ZNF254: variants seen among roughly 807,000 people sequenced by gnomAD.
ZNF254 encodes the protein zinc finger protein 254.
A neutral mutation model predicts 12.4 loss-of-function variants in ZNF254; 10 were observed. The ratio of observed to expected loss-of-function variants is 0.80; its 90% CI spans 0.50 to 1.36. The LOEUF (loss-of-function observed/expected upper bound fraction) is 1.36. Ranked by LOEUF, ZNF254 falls within the 40% of genes most tolerant of loss-of-function variation. The pLI, the probability that ZNF254 is intolerant of heterozygous loss-of-function variation, is 0.00. For missense variants in ZNF254, 996 were observed against 763.9 expected (o/e 1.30, Z -3.58); for synonymous variants, 305 against 253.4 (o/e 1.20, Z -1.93).
intron 1 of ZNF254, among the ~76,000 whole-genome samples, chr19:24,097,359 T>C (rs1158297715): frequency 6.6e-6 from 1 of 152,080 alleles, no homozygotes; most frequent in African/African-American, 2.4e-5. Context: ...GAAACCTGAT[T>C]ATCCATGGTG....
chr19:24,110,604 A>G (rs1432813537), intron 3 of ZNF254, among the ~76,000 whole-genome samples: 2 of 152,134 alleles, frequency 1.3e-5, no homozygotes, highest in Non-Finnish European at 2.9e-5. Context: ...TGTTAACTAT[A>G]TTCACATCGT....
intron 3 of ZNF254, among the ~76,000 whole-genome samples, chr19:24,110,394 C>G (rs549285469): frequency 6.6e-6 from 1 of 151,920 alleles, no homozygotes; most frequent in Non-Finnish European, 1.5e-5. Context: ...GACACCCTCT[C>G]TACAAACATT....
At chr19:24,080,347 G>T (rs1286497143) in intron 2 of ZNF254, 1 of 152,202 alleles carries the variant, frequency 6.6e-6, no homozygotes, top group Non-Finnish European at 1.5e-5. Context: ...CACACTGTAA[G>T]AAAACTGACC....
chr19:24,113,663 T>C (rs1973848849), intron 3 of ZNF254, among the ~76,000 whole-genome samples: 1 of 152,102 alleles, frequency 6.6e-6, no homozygotes, highest in Non-Finnish European at 1.5e-5. Context: ...CTATTCAACA[T>C]AGTGTTGGAT....
At chr19:24,054,340 A>G (rs1970760073) in intron 2 of ZNF254, among the ~76,000 whole-genome samples, 1 of 152,168 alleles carries the variant, frequency 6.6e-6, no homozygotes. Context: ...AAATGGTGAC[A>G]TATACTATAG....
chr19:24,044,647 TG>T (rs1280062027), intron 1 of ZNF254, among the ~76,000 whole-genome samples: 1 of 147,398 alleles, frequency 6.8e-6, no homozygotes, highest in Non-Finnish European at 1.5e-5. Context: ...GCTAGTTTTG[TG>T]GATCTTATAT....
intron 2 of ZNF254, among the ~76,000 whole-genome samples, chr19:24,068,251 T>C (rs1971351070): frequency 6.6e-6 from 1 of 151,086 alleles, no homozygotes; most frequent in Non-Finnish European, 1.5e-5. Flanking sequence ...CGTTGTAACA[T>C]ATCACTGGGC....
chr19:24,093,623 C>A (rs2145697541), intron 1 of ZNF254, among the ~76,000 whole-genome samples: 1 of 152,216 alleles, frequency 6.6e-6, no homozygotes, highest in South Asian at 2.1e-4. Flanking sequence ...TCTGGACTGT[C>A]TATTCTGTTG....
At chr19:24,122,890 C>G (rs938903544) in intron 3 of ZNF254, among the ~76,000 whole-genome samples, 6 of 152,140 alleles carry the variant, frequency 3.9e-5, no homozygotes, top group African/African-American at 1.4e-4. Flanking sequence ...TTTTATTAGT[C>G]TACTTTTTCA....
intron 2 of ZNF254, chr19:24,080,087 T>G: frequency 6.6e-6 from 1 of 152,174 alleles, no homozygotes. Flanking sequence ...TAAAAGCAGC[T>G]ATGGGTCCCC....
rs763854410 is a variant in ZNF254, at chr19:24,105,890, T to A, written c.31-50T>A. On this transcript the variant is annotated intron_variant, in intron 1 of 3. Coordinates refer to ENST00000357002, the MANE Select transcript of ZNF254 (RefSeq NM_203282.4). The stretch of plus-strand genomic sequence containing the variant: ...ATTTTACCTTGAGTCAAATGAAAAA[T>A]TCTGCCGATAGCCACTTTGTAAATA... 2.2e-5 allele frequency: 35 copies of A among 1,556,136 alleles called. No homozygotes were observed. The South Asian group carries it at 3.9e-4, about 17-fold the overall frequency.
chr19:24,115,879 A>T (rs1453394194), intron 3 of ZNF254, among the ~76,000 whole-genome samples: 2 of 152,044 alleles, frequency 1.3e-5, no homozygotes, highest in African/African-American at 4.8e-5. Context: ...GAGCTCTTTT[A>T]GGGCAGGCCT....
At chr19:24,052,410 C>G (rs973249966) in intron 2 of ZNF254, among the ~76,000 whole-genome samples, 4 of 152,166 alleles carry the variant, frequency 2.6e-5, no homozygotes, top group Middle Eastern at 3.2e-3. Context: ...TCGGAGGCTT[C>G]TGCCTGAGCC....
At chr19:24,087,549 T>G (rs1403728731) in intron 1 of ZNF254, among the ~76,000 whole-genome samples, 5 of 152,148 alleles carry the variant, frequency 3.3e-5, no homozygotes, top group African/African-American at 1.2e-4. Context: ...CTGTGCCCTG[T>G]CCTGGAGCCC....
rs181479785 is a variant in ZNF254, at chr19:24,128,918, A to G, written c.*938A>G. 128 of 152,158 alleles carry G rather than the reference A, an allele frequency of 8.4e-4. No homozygotes were observed. Among genetic ancestry groups the G allele is most frequent in the African/African-American group, 2.6e-3 (109 of 41,568 alleles). 9.4% of individuals were successfully genotyped at this position (152,158 alleles called of 1,614,324 possible). A position where few individuals can be genotyped will look rare whatever the true frequency, so the allele number is the denominator to read the frequency against. On this transcript the variant is annotated 3_prime_UTR_variant, in exon 4 of 4. Coordinates refer to ENST00000357002, the MANE Select transcript of ZNF254 (RefSeq NM_203282.4). ...TTTTGAAAATACAGATTTTTTTTAA[A>G]AGTGAATAATGTGTTCAACTCTTAA...
chr19:24,072,735 C>T (rs996947741), intron 2 of ZNF254, among the ~76,000 whole-genome samples: 2 of 152,200 alleles, frequency 1.3e-5, no homozygotes, highest in Non-Finnish European at 2.9e-5. Flanking sequence ...TAACTTGGCC[C>T]AGTATCCAAG....
At chr19:24,100,447 T>C (rs1219358490) in intron 1 of ZNF254, among the ~76,000 whole-genome samples, 2 of 151,574 alleles carry the variant, frequency 1.3e-5, no homozygotes, top group East Asian at 3.9e-4. Context: ...TTTTTACTTA[T>C]AAAACTCAGA....
At position 24,126,439 on chromosome 19, in the gene ZNF254, A is replaced by G. The variant is rs368972225; in HGVS notation, c.439A>G (p.Thr147Ala). ...EGYNGLNQCF[T>A]TAQSKVFQCD... is the part of the protein sequence containing the mutation. ...TTATAATGGACTTAACCAGTGTTTC[A>G]CAACTGCCCAGAGCAAAGTATTTCA... Residue 147 changes from threonine to alanine, a missense_variant, in exon 4 of 4, where the codon ACA becomes GCA. Physicochemically the swap from Thr to Ala is moderately conservative, Grantham distance 58. Coordinates refer to ENST00000357002, the MANE Select transcript of ZNF254 (RefSeq NM_203282.4). 4.8e-5 allele frequency: 76 copies of G among 1,596,270 alleles called. No homozygotes were observed. The highest frequency in any genetic ancestry group is 6.4e-5 in the Non-Finnish European group (75 of 1,174,964).
chr19:24,045,529 C>T (rs898288037), intron 1 of ZNF254, among the ~76,000 whole-genome samples: 6 of 151,820 alleles, frequency 4.0e-5, no homozygotes, highest in South Asian at 2.1e-4. Flanking sequence ...ATTAGCTGGG[C>T]GTGGTGGCGG....
Sources: gnomAD v4.1 joint callset for allele counts (sites outside exome capture counted in the v4.1 genomes callset) on GRCh38, gnomAD v4.1.1 for gene constraint, MANE v1.5 for transcripts, NCBI Gene and HGNC (gene_info 2026-07-23, HGNC 2026-07-21) for gene names.